LRMDA: variants seen among roughly 807,000 people sequenced by gnomAD.
The protein encoded by LRMDA is leucine rich melanocyte differentiation associated.
LRMDA carries 18 observed loss-of-function variants against 29.8 expected under a neutral mutation model. The observed-to-expected ratio is 0.60, with a 90% CI of 0.42 to 0.90. The LOEUF is 0.90. Ranked by LOEUF, LRMDA falls within the 40% of genes least tolerant of loss-of-function variation. The probability of loss-of-function intolerance (pLI) is 0.00; values close to 1 mark genes in which losing one functional copy is unlikely to be tolerated. For missense variants in LRMDA, 273 were observed against 273.9 expected (o/e 1.00, Z 0.02); for synonymous variants, 125 against 109.4 (o/e 1.14, Z -0.89).
chr10:75,445,587 TCTG>T (rs1844383605), intron 2 of LRMDA, among the ~76,000 whole-genome samples: 7 of 152,202 alleles, frequency 4.6e-5, no homozygotes, highest in Non-Finnish European at 1.0e-4. Context: ...GGTTCCTTAA[TCTG>T]CTCAATGCAA....
At chr10:76,156,434 C>T (rs1263712412) in intron 5 of LRMDA, among the ~76,000 whole-genome samples, 2 of 152,118 alleles carry the variant, frequency 1.3e-5, no homozygotes, top group East Asian at 3.9e-4. Flanking sequence ...TCTTTCCAAA[C>T]AGTGTCATAA....
chr10:76,033,401 C>A (rs1848184906), intron 2 of LRMDA, among the ~76,000 whole-genome samples: 1 of 152,176 alleles, frequency 6.6e-6, no homozygotes, highest in Non-Finnish European at 1.5e-5. Flanking sequence ...ATCTTACCAG[C>A]TCTTCTGGGA....
At chr10:76,544,036 T>A (rs2132387879) in intron 6 of LRMDA, among the ~76,000 whole-genome samples, 1 of 152,270 alleles carries the variant, frequency 6.6e-6, no homozygotes, top group East Asian at 1.9e-4. Context: ...GTCTTTCTTC[T>A]CCTGAACTCA....
rs186525477 is a variant in LRMDA, at chr10:75,821,629, C to T, written c.132-214379C>T. Reference sequence around the variant, plus strand: ...CTAAAAATACAAAAAATTAGCTGGACGTGGTGGTGGGTGCCTGTAGTCCCA... The same window carrying T: ...CTAAAAATACAAAAAATTAGCTGGATGTGGTGGTGGGTGCCTGTAGTCCCA... On this transcript the variant is annotated intron_variant, in intron 2 of 6. Transcript: ENST00000611255. Among the ~76,000 whole-genome samples, 5 of 152,026 alleles carry T rather than the reference C, an allele frequency of 3.3e-5. No homozygotes were observed. In the East Asian group the frequency reaches 7.8e-4, roughly 24 times the overall value.
intron 2 of LRMDA, among the ~76,000 whole-genome samples, chr10:75,604,996 G>C (rs1291959072): frequency 6.6e-6 from 1 of 152,150 alleles, no homozygotes; most frequent in Non-Finnish European, 1.5e-5. Context: ...AAAATGTTTT[G>C]TTTAGAGATT....
At chr10:75,440,196 A>G (rs889297183) in intron 2 of LRMDA, among the ~76,000 whole-genome samples, 8 of 147,756 alleles carry the variant, frequency 5.4e-5, no homozygotes, top group Admixed American at 1.4e-4. Flanking sequence ...GGCTGGATCT[A>G]TATGGATTTA....
At chr10:76,514,231 A>C (rs1050210032) in intron 6 of LRMDA, among the ~76,000 whole-genome samples, 11 of 152,172 alleles carry the variant, frequency 7.2e-5, no homozygotes, top group Non-Finnish European at 1.5e-4. Flanking sequence ...CTCAAAATAC[A>C]TGCTAACCTG....
chr10:75,819,614 C>T (rs940957141), intron 2 of LRMDA, among the ~76,000 whole-genome samples: 5 of 152,004 alleles, frequency 3.3e-5, no homozygotes, highest in African/African-American at 9.7e-5. Flanking sequence ...TTTCATACTC[C>T]AGTGAAATTT....
intron 2 of LRMDA, among the ~76,000 whole-genome samples, chr10:75,838,079 G>A (rs892027368): frequency 2.0e-5 from 3 of 152,100 alleles, no homozygotes; most frequent in African/African-American, 7.2e-5. Flanking sequence ...AAGGTTAGGG[G>A]CAGGAAAATC....
intron 6 of LRMDA, among the ~76,000 whole-genome samples, chr10:76,382,936 CTGTT>C (rs987838866): frequency 1.3e-5 from 2 of 152,220 alleles, no homozygotes; most frequent in African/African-American, 2.4e-5. Context: ...AGCCAGCACA[CTGTT>C]TGTAAGTGCC....
At chr10:75,829,841 CTTTTTTTTTT>C (rs34025294) in intron 2 of LRMDA, among the ~76,000 whole-genome samples, 3 of 89,472 alleles carry the variant, frequency 3.4e-5, no homozygotes, top group African/African-American at 1.2e-4. Context: ...GAATAGGCCA[CTTTTTTTTTT>C]TTTTTTTTTT....
intron 2 of LRMDA, among the ~76,000 whole-genome samples, chr10:75,489,314 G>T (rs957322060): frequency 6.6e-6 from 1 of 152,018 alleles, no homozygotes; most frequent in Non-Finnish European, 1.5e-5. Context: ...AACTAAAGGG[G>T]GTAGCTGAAA....
intron 2 of LRMDA, among the ~76,000 whole-genome samples, chr10:75,904,788 G>C (rs1369268222): frequency 6.6e-6 from 1 of 152,164 alleles, no homozygotes; most frequent in Non-Finnish European, 1.5e-5. Context: ...ATAGATTGAT[G>C]AGCCGAGTTT....
intron 2 of LRMDA, among the ~76,000 whole-genome samples, chr10:75,793,737 C>A (rs1344369498): frequency 6.6e-6 from 1 of 152,178 alleles, no homozygotes; most frequent in Non-Finnish European, 1.5e-5. Flanking sequence ...TAGCATCGTT[C>A]CAGATAGAGT....
intron 2 of LRMDA, among the ~76,000 whole-genome samples, chr10:75,538,817 C>G (rs1839982899): frequency 6.6e-6 from 1 of 152,146 alleles, no homozygotes; most frequent in South Asian, 2.1e-4. Flanking sequence ...AAGGCTAATA[C>G]CTTAATTTGT....
chr10:75,779,115 A>C (rs531063190), intron 2 of LRMDA, among the ~76,000 whole-genome samples: 35 of 152,322 alleles, frequency 2.3e-4, no homozygotes, highest in African/African-American at 7.7e-4. Flanking sequence ...ATAGCCATTA[A>C]GTTTGCAGAG....
chr10:76,019,838 A>C (rs555205431), intron 2 of LRMDA, among the ~76,000 whole-genome samples: 1 of 152,086 alleles, frequency 6.6e-6, no homozygotes, highest in Admixed American at 6.5e-5. Context: ...TATAGATTTG[A>C]GTTGGGGAAT....
intron 6 of LRMDA, among the ~76,000 whole-genome samples, chr10:76,354,839 G>A (rs566710054): frequency 3.3e-5 from 5 of 152,184 alleles, no homozygotes; most frequent in African/African-American, 9.6e-5. Context: ...AAATCTTCTA[G>A]CTGTTTTGAG....
At chr10:75,438,960 T>C (rs1280640458) in intron 2 of LRMDA, among the ~76,000 whole-genome samples, 1 of 152,162 alleles carries the variant, frequency 6.6e-6, no homozygotes, top group Non-Finnish European at 1.5e-5. Flanking sequence ...TCTTTTGTCT[T>C]TTTATGAATG....
Sources: allele counts gnomAD v4.1 joint callset (sites outside exome capture counted in the v4.1 genomes callset), GRCh38; gene constraint gnomAD v4.1.1; transcripts MANE v1.5; gene names NCBI Gene and HGNC (gene_info 2026-07-23, HGNC 2026-07-21).